The following DSC1 variants were observed in gnomAD, a reference collection of about 807,000 sequenced individuals.
DSC1 encodes desmocollin 1, also known as desmocollin-1.
A neutral mutation model predicts 98.8 loss-of-function variants in DSC1; 79 were observed. The ratio of observed to expected loss-of-function variants is 0.80; its 90% CI spans 0.67 to 0.96. The LOEUF (loss-of-function observed/expected upper bound fraction) is 0.96, where lower values mean the gene tolerates loss of function less well. DSC1 is among the 50% of genes least tolerant of loss of function. DSC1 has a pLI of 0.00. For synonymous variants in DSC1, 405 were observed against 372.1 expected (o/e 1.09, Z -1.02); for missense variants, 1,115 against 1,075.9 (o/e 1.04, Z -0.51).
intron 8 of DSC1, among the ~76,000 whole-genome samples, chr18:31,143,391 T>A (rs114093086): frequency 0.062 from 5,628 of 90,756 alleles, 366 homozygotes; most frequent in African/African-American, 0.21. Flanking sequence ...TAAAATAAAA[T>A]AAAATAAAAG....
chr18:31,131,821 TG>T lies in DSC1; in HGVS notation c.2259del (p.Met754CysfsTer109). ...EEVTEANIRL[P>X]MQTSNICDTS... is the part of the protein sequence containing the mutation. Reference sequence around the variant, plus strand: ...GTGTCACAAATGTTGGATGTCTGCATGGGGAGTCTAATATTTGCTTCCTAAA... The same window carrying T: ...GTGTCACAAATGTTGGATGTCTGCATGGGAGTCTAATATTTGCTTCCTAAA... On this transcript the variant is annotated frameshift_variant, in exon 15 of 16. Coordinates refer to ENST00000257198, the MANE Select transcript of DSC1 (RefSeq NM_024421.2). LOFTEE classifies it high-confidence loss of function. The T allele has an allele frequency of 3.7e-6, 6 of 1,614,082 alleles. No homozygotes were observed. Among genetic ancestry groups the T allele is most frequent in the Non-Finnish European group, 5.1e-6 (6 of 1,179,966 alleles).
chr18:31,157,666 G>A (rs1989126948), intron 2 of DSC1, 93 bp from the exon 3 acceptor site: 8 of 1,354,040 alleles, frequency 5.9e-6, no homozygotes, highest in Admixed American at 1.8e-5. Context: ...TGCATGAGAA[G>A]CAGAAAAAGG....
At chr18:31,132,986 A>G (rs548248973) in intron 13 of DSC1, among the ~76,000 whole-genome samples, 125 of 152,292 alleles carry the variant, frequency 8.2e-4, no homozygotes, top group African/African-American at 3.0e-3. Flanking sequence ...TAGTAGTTAA[A>G]ATCATACAGA....
At chr18:31,139,348 T>C (rs1988680235) in intron 11 of DSC1, among the ~76,000 whole-genome samples, 1 of 152,110 alleles carries the variant, frequency 6.6e-6, no homozygotes, top group African/African-American at 2.4e-5. Context: ...CCAACTGTTT[T>C]AGGTGTGTTG....
At chr18:31,136,117 AAG>A (rs1476582659) in intron 11 of DSC1, among the ~76,000 whole-genome samples, 2 of 152,096 alleles carry the variant, frequency 1.3e-5, no homozygotes, top group East Asian at 3.9e-4. Context: ...CCAGAAATAA[AAG>A]AGAGATATAG....
At position 31,148,618 on chromosome 18, in the gene DSC1, C is replaced by G; in HGVS notation, c.652G>C (p.Asp218His). Reference protein sequence around the residue: ...FALYGYATTADGYAPEYPLPL... With the variant: ...FALYGYATTAHGYAPEYPLPL... ...AGTGGATATTCTGGTGCATAGCCAT[C>G]TGCAGTTGTTGCATAGCCATATAAC... is the stretch of plus-strand genomic sequence containing the variant. Residue 218 changes from aspartate to histidine, a missense_variant, in exon 6 of 16, where the codon GAT (aspartate) becomes CAT (histidine). By Grantham distance (81) the Asp-to-His change is moderately conservative. Transcript: ENST00000257198. 6.2e-7 allele frequency: 1 copy of G among 1,600,002 alleles called. No homozygotes were observed. Among genetic ancestry groups the G allele is most frequent in the African/African-American group, 1.3e-5 (1 of 74,840 alleles).
At chr18:31,148,452 A>C in intron 6 of DSC1, 46 bp downstream of exon 6, 3 of 1,515,886 alleles carry the variant, frequency 2.0e-6, no homozygotes, top group Non-Finnish European at 2.7e-6. Flanking sequence ...TACTTACGAA[A>C]TGTCAAATAG....
intron 4 of DSC1, 58 bp from the exon 5 acceptor site, chr18:31,154,987 C>T (rs981636717): frequency 2.5e-6 from 4 of 1,580,548 alleles, no homozygotes; most frequent in Non-Finnish European, 1.7e-6. Flanking sequence ...TTCAACCTAA[C>T]CTCTTGTGAT....
intron 11 of DSC1, among the ~76,000 whole-genome samples, chr18:31,138,540 A>G (rs1487177956): frequency 6.6e-6 from 1 of 152,082 alleles, no homozygotes; most frequent in African/African-American, 2.4e-5. Context: ...TAAATGAGTA[A>G]ACATAAAGTC....
Position 31,130,529 on chromosome 18 carries a change from T to C in DSC1, c.2670A>G (p.Thr890=). Residue 890 remains threonine, a synonymous_variant, in exon 16 of 16, where the codon ACA becomes ACG. Transcript: ENST00000257198. Reference sequence around the variant, plus strand: ...AAAGGCACATTTATTTCTTGATGCATGTCTTTGCTAATGTCCTAAATTTGG... The same window carrying C: ...AAAGGCACATTTATTTCTTGATGCACGTCTTTGCTAATGTCCTAAATTTGG... ...LEPKFRTLAK[T]CIKK The C allele has an allele frequency of 6.2e-7, 1 of 1,614,192 alleles. No homozygotes were observed. Among genetic ancestry groups the C allele is most frequent in the Non-Finnish European group, 8.5e-7 (1 of 1,180,010 alleles).
intron 12 of DSC1, 150 bp downstream of exon 12, chr18:31,134,422 A>G: frequency 2.5e-6 from 2 of 799,616 alleles, no homozygotes; most frequent in East Asian, 2.7e-5. Context: ...CAATGGCACT[A>G]ATTTTTTTTA....
chr18:31,139,187 A>G (rs1157726941), intron 11 of DSC1, among the ~76,000 whole-genome samples: 1 of 152,142 alleles, frequency 6.6e-6, no homozygotes, highest in South Asian at 2.1e-4. Flanking sequence ...TTTGGAGGAC[A>G]TTCTTTACAG....
chr18:31,151,415 A>G (rs1988998519), intron 5 of DSC1, among the ~76,000 whole-genome samples: 1 of 152,194 alleles, frequency 6.6e-6, no homozygotes, highest in African/African-American at 2.4e-5. Context: ...ACAAAGCAAC[A>G]ATTTCAAAAA....
In DSC1 at chr18:31,143,660, A is replaced by C; in HGVS notation, c.1071T>G (p.Thr357=). The C allele has an allele frequency of 1.3e-6, 2 of 1,575,218 alleles. No individual in the cohort carries two copies. The highest frequency in any genetic ancestry group is 1.2e-5 in the South Asian group (1 of 83,576). The change falls in exon 8 of 16, where the codon ACT becomes ACG. Residue 357 remains threonine, a synonymous_variant. Coordinates refer to ENST00000257198, the MANE Select transcript of DSC1 (RefSeq NM_024421.2). The stretch of plus-strand genomic sequence containing the variant: ...ATGAATAGAGAGGTATACTCACAGA[A>C]GTTTCTGTGAAAGATGGTGGATTGT... The part of the protein sequence containing the change: ...ENDNPPSFTE[T]SYVTEVEENR...
intron 5 of DSC1, among the ~76,000 whole-genome samples, chr18:31,152,136 T>C (rs1416840390): frequency 6.6e-6 from 1 of 151,202 alleles, no homozygotes; most frequent in Non-Finnish European, 1.5e-5. Flanking sequence ...CACTCCAGCC[T>C]GGGAGACAGA....
intron 10 of DSC1, 31 bp from the exon 11 acceptor site, chr18:31,139,921 A>G: frequency 6.3e-7 from 1 of 1,579,472 alleles, no homozygotes; most frequent in South Asian, 1.2e-5. Flanking sequence ...ATGAACGGTC[A>G]AATCAAAGAA....
At chr18:31,152,098 G>A (rs528707918) in intron 5 of DSC1, among the ~76,000 whole-genome samples, 30 of 152,084 alleles carry the variant, frequency 2.0e-4, no homozygotes, top group Non-Finnish European at 2.8e-4. Flanking sequence ...GAAGGCAGAG[G>A]TTGCAGTGAG....
At position 31,143,677 on chromosome 18, in the gene DSC1, G is replaced by A. The variant is rs1988783902; in HGVS notation, c.1054C>T (p.Pro352Ser). Residue 352 changes from proline to serine, a missense_variant, in exon 8 of 16, where the codon CCA becomes TCA. Physicochemically the swap from Pro to Ser is moderately conservative, Grantham distance 74 (BLOSUM62 -1). Transcript: ENST00000257198. Reference protein sequence around the residue: ...ISLEDENDNPPSFTETSYVTE... With the variant: ...ISLEDENDNPSSFTETSYVTE... ...CTCACAGAAGTTTCTGTGAAAGATG[G>A]TGGATTGTCATTTTCATCCTCAAGT... 2 of 1,583,558 alleles carry A rather than the reference G, an allele frequency of 1.3e-6. No homozygotes were observed. Among genetic ancestry groups the A allele is most frequent in the Non-Finnish European group, 1.7e-6 (2 of 1,164,718 alleles).
Position 31,132,563 on chromosome 18 carries a change from T to C in DSC1, c.2238+5A>G. ...CAATTCAAAGGGATGTGAAATCTGATTTACCGTTACTTCTTCTCCAGGTCC... is the reference window on the plus strand; with the variant it reads ...CAATTCAAAGGGATGTGAAATCTGACTTACCGTTACTTCTTCTCCAGGTCC... On this transcript the variant is annotated splice_donor_5th_base_variant and intron_variant, in intron 14 of 15. Transcript: ENST00000257198. The C allele has an allele frequency of 6.2e-7, 1 of 1,612,778 alleles. No homozygotes were observed. Among genetic ancestry groups the C allele is most frequent in the Non-Finnish European group, 8.5e-7 (1 of 1,179,256 alleles).
Sources: allele counts gnomAD v4.1 joint callset (sites outside exome capture counted in the v4.1 genomes callset), GRCh38; gene constraint gnomAD v4.1.1; transcripts MANE v1.5; gene names NCBI Gene and HGNC (gene_info 2026-07-23, HGNC 2026-07-21).